The following STK32C variants were observed in gnomAD, a reference collection of about 807,000 sequenced individuals.
The protein encoded by STK32C is serine/threonine kinase 32C.
Under a neutral mutation model 56.5 loss-of-function variants are expected in STK32C, and 31 were observed. The ratio of observed to expected loss-of-function variants is 0.55; its 90% CI spans 0.41 to 0.74. The LOEUF (loss-of-function observed/expected upper bound fraction) is 0.74, where lower values mean the gene tolerates loss of function less well. Ranked by LOEUF, STK32C falls within the 30% of genes least tolerant of loss-of-function variation. The probability of loss-of-function intolerance (pLI) is 0.00; values close to 1 mark genes in which losing one functional copy is unlikely to be tolerated. For synonymous variants in STK32C, 309 were observed against 289.4 expected, an observed-to-expected ratio of 1.07 and a Z score of -0.69; for missense variants, 544 against 676.9, an observed-to-expected ratio of 0.80 and a Z score of 2.18.
At position 132,240,130 on chromosome 10, in the gene STK32C, A is replaced by G. The variant is rs574477637; in HGVS notation, c.318+5770T>C. On this transcript the variant is annotated intron_variant, in intron 2 of 11. Coordinates refer to ENST00000298630, the MANE Select transcript of STK32C (RefSeq NM_173575.4). Reference sequence around the variant, plus strand: ...CCAGGGCAGAGCCTGGGCTACAGGCAGTGCTGACTCAAGCCGCCTGGGTGG... The same window carrying G: ...CCAGGGCAGAGCCTGGGCTACAGGCGGTGCTGACTCAAGCCGCCTGGGTGG... Among the ~76,000 whole-genome samples, 26 of 152,048 alleles carry G rather than the reference A, an allele frequency of 1.7e-4. No individual in the cohort carries two copies. In the East Asian group the frequency reaches 3.9e-3, roughly 23 times the overall value.
intron 1 of STK32C, among the ~76,000 whole-genome samples, chr10:132,314,312 G>A (rs1020820570): frequency 1.3e-5 from 2 of 152,228 alleles, no homozygotes; most frequent in Non-Finnish European, 2.9e-5. Context: ...ACATTCCCTG[G>A]AAGTGGTGTT....
intron 2 of STK32C, among the ~76,000 whole-genome samples, chr10:132,239,915 G>A (rs747431244): frequency 6.6e-6 from 1 of 152,230 alleles, no homozygotes; most frequent in Admixed American, 6.5e-5. Flanking sequence ...GGGAACACAC[G>A]TCACAGATAA....
rs372013504 is a variant in STK32C, at chr10:132,208,045, A to C, written c.1426T>G (p.Cys476Gly). The C allele has an allele frequency of 7.6e-7, 1 of 1,311,206 alleles. No homozygotes were observed. Among genetic ancestry groups the C allele is most frequent in the African/African-American group, 1.5e-5 (1 of 66,386 alleles). The allele number at this position is 1,311,206 out of a possible 1,614,324, so 81.2% of individuals were successfully genotyped here. ...CCGGCCGAGGGGCAAATGGGGCCGC[A>C]CATGGGCAGGGCGGAGCGTTCCGCC... Reference protein sequence around the residue: ...DEAERSALPMCGPICPSAGSG With the variant: ...DEAERSALPMGGPICPSAGSG Residue 476 changes from cysteine (C) to glycine (G), a missense_variant, in exon 12 of 12, where the codon TGC becomes GGC. Coordinates refer to ENST00000298630, the MANE Select transcript of STK32C (RefSeq NM_173575.4).
Position 132,225,804 on chromosome 10 carries a change from G to T in STK32C, c.645-20C>A. ...ACATCTCTAGAAAGAGCAGAAAGTG[G>T]GAAGGTGAGTTGGGAATCTGCCCTG... is the stretch of plus-strand genomic sequence containing the variant. On this transcript the variant is annotated intron_variant, in intron 4 of 11. Coordinates refer to ENST00000298630, the MANE Select transcript of STK32C (RefSeq NM_173575.4). The T allele has an allele frequency of 6.2e-7, 1 of 1,613,664 alleles. No individual in the cohort carries two copies. The highest frequency in any genetic ancestry group is 8.5e-7 in the Non-Finnish European group (1 of 1,179,984).
intron 1 of STK32C, among the ~76,000 whole-genome samples, chr10:132,318,835 T>A (rs556366358): frequency 2.6e-5 from 4 of 151,084 alleles, no homozygotes; most frequent in African/African-American, 9.8e-5. Context: ...CTCCATGAGA[T>A]ACAACTACAC....
At chr10:132,302,430 C>T (rs1590452207) in intron 1 of STK32C, among the ~76,000 whole-genome samples, 1 of 152,348 alleles carries the variant, frequency 6.6e-6, no homozygotes, top group East Asian at 1.9e-4. Flanking sequence ...CATCAAGCTG[C>T]ACAGCTGCCC....
intron 10 of STK32C, among the ~76,000 whole-genome samples, chr10:132,221,582 CACCGAT>C (rs2062653237): frequency 9.4e-6 from 1 of 106,776 alleles, no homozygotes; most frequent in African/African-American, 3.3e-5. Context: ...ACACAACTGA[CACCGAT>C]ACACCTGGGT....
intron 7 of STK32C, among the ~76,000 whole-genome samples, chr10:132,224,859 C>T (rs1382687349): frequency 1.3e-5 from 2 of 152,142 alleles, no homozygotes; most frequent in East Asian, 1.9e-4. Context: ...CAAGAGGACC[C>T]CCAGCCTCCC....
chr10:132,260,391 G>A (rs911707195), intron 1 of STK32C, among the ~76,000 whole-genome samples: 6 of 152,056 alleles, frequency 3.9e-5, no homozygotes, highest in Non-Finnish European at 7.4e-5. Context: ...CGGAGCCAGC[G>A]CGAAATCCAC....
intron 1 of STK32C, among the ~76,000 whole-genome samples, chr10:132,325,613 G>A (rs2066482810): frequency 1.3e-5 from 2 of 151,890 alleles, no homozygotes; most frequent in South Asian, 4.2e-4. Context: ...CGGGTAAGAC[G>A]CAACTTGCTC....
intron 1 of STK32C, among the ~76,000 whole-genome samples, chr10:132,258,147 C>T (rs572887451): frequency 1.5e-3 from 232 of 152,322 alleles, no homozygotes; most frequent in African/African-American, 5.1e-3. Flanking sequence ...CCCAGGACAT[C>T]GGCCCTGACC....
At chr10:132,235,671 T>TC (rs2063262176) in intron 2 of STK32C, among the ~76,000 whole-genome samples, 1 of 152,060 alleles carries the variant, frequency 6.6e-6, no homozygotes, top group Admixed American at 6.6e-5. Context: ...CACAGAGCCA[T>TC]CTGGGCCCTC....
At chr10:132,230,678 G>GTT (rs1491278712) in intron 2 of STK32C, among the ~76,000 whole-genome samples, 1 of 121,386 alleles carries the variant, frequency 8.2e-6, no homozygotes, top group Non-Finnish European at 1.8e-5. Flanking sequence ...GGGGAAGCTG[G>GTT]CGGGGGGGGG....
chr10:132,280,806 ACAC>A (rs1450727559), intron 1 of STK32C, among the ~76,000 whole-genome samples: 1 of 135,622 alleles, frequency 7.4e-6, no homozygotes, highest in African/African-American at 2.9e-5. Flanking sequence ...CCCCGTGATC[ACAC>A]CACCTGCGCT....
At chr10:132,282,170 G>A (rs1451020063) in intron 1 of STK32C, among the ~76,000 whole-genome samples, 1 of 152,208 alleles carries the variant, frequency 6.6e-6, no homozygotes, top group East Asian at 1.9e-4. Context: ...CGGATGTGCT[G>A]AAAATGCCCA....
intron 2 of STK32C, among the ~76,000 whole-genome samples, chr10:132,244,318 G>A (rs1033026176): frequency 1.3e-5 from 2 of 152,214 alleles, no homozygotes; most frequent in African/African-American, 2.4e-5. Context: ...GCCCATTTCT[G>A]GGCCAGCTGG....
intron 1 of STK32C, among the ~76,000 whole-genome samples, chr10:132,326,793 C>A (rs1274946034): frequency 1.3e-5 from 2 of 152,214 alleles, no homozygotes; most frequent in East Asian, 3.8e-4. Flanking sequence ...CAGTCCTCCA[C>A]TGCTGGTCAT....
intron 1 of STK32C, among the ~76,000 whole-genome samples, chr10:132,287,201 A>G (rs948978613): frequency 6.6e-6 from 1 of 152,138 alleles, no homozygotes; most frequent in African/African-American, 2.4e-5. Context: ...GATTTAAAAA[A>G]TCAATTTTTG....
chr10:132,295,423 GA>G (rs1407740832), intron 1 of STK32C, among the ~76,000 whole-genome samples: 1 of 152,242 alleles, frequency 6.6e-6, no homozygotes, highest in Admixed American at 6.5e-5. Flanking sequence ...AAGGGGTGTT[GA>G]AGGAGCCAGG....
Sources: gnomAD v4.1 joint callset for allele counts (sites outside exome capture counted in the v4.1 genomes callset) on GRCh38, gnomAD v4.1.1 for gene constraint, MANE v1.5 for transcripts, NCBI Gene and HGNC (gene_info 2026-07-23, HGNC 2026-07-21) for gene names.